The following C20orf96 variants were observed in gnomAD, a reference collection of about 807,000 sequenced individuals.
C20orf96 encodes uncharacterized protein C20orf96.
A neutral mutation model predicts 52.6 loss-of-function variants in C20orf96; 57 were observed. That is an observed-to-expected ratio of 1.08 (90% CI 0.88 to 1.35). C20orf96 has a LOEUF of 1.35. C20orf96 is among the 40% of genes most tolerant of loss of function. C20orf96 has a pLI of 0.00. For synonymous variants in C20orf96, 168 were observed against 157.2 expected (o/e 1.07, Z -0.51); for missense variants, 478 against 443.6 (o/e 1.08, Z -0.70).
intron 3 of C20orf96, among the ~76,000 whole-genome samples, chr20:285,068 T>G (rs2122308425): frequency 6.6e-6 from 1 of 152,296 alleles, no homozygotes. Context: ...CTGATGCATA[T>G]TCAGTGCTGG....
intron 4 of C20orf96, among the ~76,000 whole-genome samples, chr20:279,924 G>A (rs182463251): frequency 6.6e-6 from 1 of 152,196 alleles, no homozygotes; most frequent in East Asian, 1.9e-4. Flanking sequence ...GAGCGAGATG[G>A]CGCCACTGCT....
At position 290,726 on chromosome 20, in the gene C20orf96, A is replaced by G. The variant is rs777851577; in HGVS notation, c.-116T>C. 2 of 1,218,888 alleles carry G rather than the reference A, an allele frequency of 1.6e-6. No homozygotes were observed. Among genetic ancestry groups the G allele is most frequent in the African/African-American group, 3.1e-5 (2 of 64,606 alleles). The allele number at this position is 1,218,888 out of a possible 1,614,324, so 75.5% of individuals were successfully genotyped here. The stretch of plus-strand genomic sequence containing the variant: ...GATCGCGCGGTAACCCAGGCCACTC[A>G]GAAGTCCCGAGACCCGATGCTTTCG... On this transcript the variant is annotated 5_prime_UTR_variant, in exon 1 of 11. Transcript: ENST00000360321.
intron 3 of C20orf96, among the ~76,000 whole-genome samples, chr20:289,049 C>T (rs926617): frequency 0.37 from 56,472 of 151,946 alleles, 10,808 homozygotes; most frequent in East Asian, 0.51. Context: ...GTTTATTCTA[C>T]GATTTCACCA....
chr20:286,049 T>C lies in C20orf96; in HGVS notation c.188-1968A>G, dbSNP rs138194167. 6.0e-3 allele frequency among the ~76,000 whole-genome samples: 911 copies of C among 152,340 alleles called. 7 individuals carry two copies. Among genetic ancestry groups the C allele is most frequent in the African/African-American group, 0.02 (822 of 41,576 alleles). ...AATTAACCAAGTTCCAAAACCCCCT[T>C]ACAAGTGTTTATAAAAATTGTAAGA... On this transcript the variant is annotated intron_variant, in intron 3 of 10. Transcript: ENST00000360321.
At chr20:276,928 C>G in intron 8 of C20orf96, 49 bp from the exon 9 acceptor site, 1 of 1,610,772 alleles carries the variant, frequency 6.2e-7, no homozygotes, top group Non-Finnish European at 8.5e-7. Context: ...TCCTGGGCAG[C>G]AGAACATGGT....
intron 3 of C20orf96, among the ~76,000 whole-genome samples, chr20:285,502 A>G (rs2012359584): frequency 6.6e-6 from 1 of 151,594 alleles, no homozygotes; most frequent in Non-Finnish European, 1.5e-5. Flanking sequence ...TTTTAGTTGT[A>G]TTGTATAAGA....
rs1258771137 is a variant in C20orf96 at position 290,237 on chromosome 20, GCCCTAGTCC to G, written c.69+13_69+21del. The stretch of plus-strand genomic sequence containing the variant: ...CAGGGCCAGCGAGCCTCCCACCCCA[GCCCTAGTCC>G]CCCAAGACTCACCGGAACCTGGAAC... On this transcript the variant is annotated intron_variant, in intron 2 of 10. Coordinates refer to ENST00000360321, the MANE Select transcript of C20orf96 (RefSeq NM_153269.3). 6.3e-7 allele frequency: 1 copy of G among 1,595,692 alleles called. No homozygotes were observed. The highest frequency in any genetic ancestry group is 2.2e-5 in the East Asian group (1 of 44,796).
In C20orf96 at chr20:278,397, C is replaced by G; in HGVS notation, c.498G>C (p.Lys166Asn). The change falls in exon 6 of 11, where the codon AAG becomes AAC. Residue 166 changes from lysine to asparagine, a missense_variant. Transcript: ENST00000360321. ...TIIDILEYSN[K>N]KRLQQLKSEL... is the part of the protein sequence containing the mutation. The stretch of plus-strand genomic sequence containing the variant: ...CAGATTTCAATTGCTGCAGCCTCTT[C>G]TTGTTTGAGTACTCCAAGATGTCGA... 1 of 1,613,994 alleles carries G rather than the reference C, an allele frequency of 6.2e-7. No individual in the cohort carries two copies. The highest frequency in any genetic ancestry group is 8.5e-7 in the Non-Finnish European group (1 of 1,179,958).
chr20:278,431 T>C lies in C20orf96; in HGVS notation c.466-2A>G, dbSNP rs560911384. ...GTACTCCAAGATGTCGATGATGGTC[T>C]GCGGGAGGGGTGGAGTCAACTCACC... On this transcript the variant is annotated splice_acceptor_variant, in intron 5 of 10. Transcript: ENST00000360321. LOFTEE classifies it high-confidence loss of function. 2 of 1,613,008 alleles carry C rather than the reference T, an allele frequency of 1.2e-6. No individual in the cohort carries two copies. The highest frequency in any genetic ancestry group is 2.2e-5 in the South Asian group (2 of 91,050).
Position 289,632 on chromosome 20 carries a change from AGATGGCTT to A in C20orf96, c.106_113del (p.Lys36TyrfsTer21). On this transcript the variant is annotated frameshift_variant, in exon 3 of 11. Transcript: ENST00000360321. LOFTEE classifies it high-confidence loss of function. ...TGGCTTGTTGGACTGGAGGCAGAGT[AGATGGCTT>A]GGTTTCCTGCTTGGACTGCTGCCAT... 1 of 1,614,142 alleles carries A rather than the reference AGATGGCTT, an allele frequency of 6.2e-7. No individual in the cohort carries two copies. The highest frequency in any genetic ancestry group is 1.1e-5 in the South Asian group (1 of 91,084).
At chr20:275,855 C>A in intron 10 of C20orf96, 113 bp downstream of exon 10, 1 of 999,838 alleles carries the variant, frequency 1.0e-6, no homozygotes, top group South Asian at 1.4e-5. Flanking sequence ...CCGCCCCTCC[C>A]TCCCTGTACA....
At chr20:289,781 C>T in intron 2 of C20orf96, 105 bp from the exon 3 acceptor site, 1 of 833,210 alleles carries the variant, frequency 1.2e-6, no homozygotes, top group East Asian at 2.5e-5. Flanking sequence ...TCTCCTGAGC[C>T]TCAATCTTCT....
In C20orf96 at chr20:279,211, C is replaced by T. The variant is rs1286195508; in HGVS notation, c.426G>A (p.Leu142=). ...TIQEMENSTT[L]HVRALLQQQD... is the part of the protein sequence containing the mutation. ...GCTGCTGCAGCAGGGCCCGCACGTG[C>T]AGGGTCGTGCTGTTCTCCATCTCCT... Residue 142 remains leucine, a synonymous_variant, in exon 5 of 11, where the codon CTG becomes CTA. Coordinates refer to ENST00000360321, the MANE Select transcript of C20orf96 (RefSeq NM_153269.3). 5 of 1,608,262 alleles carry T rather than the reference C, an allele frequency of 3.1e-6. No individual in the cohort carries two copies. In the South Asian group the frequency reaches 3.3e-5, roughly 11 times the overall value.
chr20:284,166 G>C (rs2012324308), intron 3 of C20orf96, 85 bp from the exon 4 acceptor site: 1 of 972,138 alleles, frequency 1.0e-6, no homozygotes, highest in Non-Finnish European at 1.7e-6. Context: ...CCATTAATGA[G>C]AGGAGGGCCA....
In C20orf96 at chr20:284,193, T is replaced by A. The variant is rs2012324969; in HGVS notation, c.188-112A>T. The A allele has an allele frequency of 5.4e-6, 4 of 739,386 alleles. No individual in the cohort carries two copies. The Admixed American group carries it at 8.5e-5, about 16-fold the overall frequency. The allele number at this position is 739,386 out of a possible 1,614,324, so 45.8% of individuals were successfully genotyped here. ...GGAGGGCCAGACCCCAGCTCCACCC[T>A]CTGACTGCCTTATAATGTGACACTA... is the stretch of plus-strand genomic sequence containing the variant. On this transcript the variant is annotated intron_variant, in intron 3 of 10. Coordinates refer to ENST00000360321, the MANE Select transcript of C20orf96 (RefSeq NM_153269.3).
Position 271,152 on chromosome 20 carries a change from G to A in C20orf96, c.*55C>T. Reference sequence around the variant, plus strand: ...CCGGTCCTGGAAGTAAATGATCCAAGGCTCCAGGTGCTGGGAAGAGAGCAG... The same window carrying A: ...CCGGTCCTGGAAGTAAATGATCCAAAGCTCCAGGTGCTGGGAAGAGAGCAG... On this transcript the variant is annotated 3_prime_UTR_variant, in exon 11 of 11. Transcript: ENST00000360321. 2 of 1,423,204 alleles carry A rather than the reference G, an allele frequency of 1.4e-6. No individual in the cohort carries two copies. The highest frequency in any genetic ancestry group is 1.9e-6 in the Non-Finnish European group (2 of 1,030,394). 88.2% of individuals were successfully genotyped at this position (1,423,204 alleles called of 1,614,324 possible). A position where few individuals can be genotyped will look rare whatever the true frequency, so the allele number is the denominator to read the frequency against.
rs2011804309 is a variant in C20orf96, at chr20:270,947, A to C, written c.*260T>G. ...CACCTGGCCCAGCAGCACCAACCAG[A>C]AAGAAGGGAAGAAGAGAGGAAAAAA... On this transcript the variant is annotated 3_prime_UTR_variant, in exon 11 of 11. Transcript: ENST00000360321. The C allele has an allele frequency of 1.2e-5, 6 of 484,616 alleles. No homozygotes were observed. In the Admixed American group the frequency reaches 1.9e-4, roughly 16 times the overall value. The allele number at this position is 484,616 out of a possible 1,614,324, so 30.0% of individuals were successfully genotyped here. A position where few individuals can be genotyped will look rare whatever the true frequency, so the allele number is the denominator to read the frequency against.
Position 271,238 on chromosome 20 carries a change from T to A in C20orf96, c.1061A>T (p.Asn354Ile). ...GGGTAGTGGCTCTTCCACAGGAATG[T>A]TGAGGATGACATCCATGTCTGGGGT... is the stretch of plus-strand genomic sequence containing the variant. ...KCTPDMDVIL[N>I]IPVEEPLPF is the part of the protein sequence containing the mutation. Residue 354 changes from asparagine (N) to isoleucine (I), a missense_variant, in exon 11 of 11, where the codon AAC becomes ATC. By Grantham distance (149) the Asn-to-Ile change is moderately radical (BLOSUM62 -3). Coordinates refer to ENST00000360321, the MANE Select transcript of C20orf96 (RefSeq NM_153269.3). The A allele has an allele frequency of 6.4e-7, 1 of 1,556,700 alleles. No individual in the cohort carries two copies. Among genetic ancestry groups the A allele is most frequent in the Non-Finnish European group, 8.7e-7 (1 of 1,149,780 alleles).
rs565341096 is a variant in C20orf96, at chr20:289,512, T to C, written c.187+47A>G. On this transcript the variant is annotated intron_variant, in intron 3 of 10. Coordinates refer to ENST00000360321, the MANE Select transcript of C20orf96 (RefSeq NM_153269.3). ...CACCAAGAGCCAAAAGCAGCCACTC[T>C]ATCCTGTCTCCAACCCCCACACCAG... The C allele has an allele frequency of 3.8e-6, 5 of 1,300,386 alleles. No individual in the cohort carries two copies. In the African/African-American group the frequency reaches 7.3e-5, roughly 19 times the overall value. 80.6% of individuals were successfully genotyped at this position (1,300,386 alleles called of 1,614,324 possible). A position where few individuals can be genotyped will look rare whatever the true frequency, so the allele number is the denominator to read the frequency against.
Sources: allele counts gnomAD v4.1 joint callset (sites outside exome capture counted in the v4.1 genomes callset), GRCh38; gene constraint gnomAD v4.1.1; transcripts MANE v1.5; gene names NCBI Gene and HGNC (gene_info 2026-07-23, HGNC 2026-07-21).